PARD3B: variants seen among roughly 807,000 people sequenced by gnomAD.
PARD3B encodes par-3 family cell polarity regulator beta.
A neutral mutation model predicts 130.2 loss-of-function variants in PARD3B; 103 were observed. That is an observed-to-expected ratio of 0.79 (90% CI 0.67 to 0.93). The LOEUF (loss-of-function observed/expected upper bound fraction) is 0.93. Among genes scored for constraint, PARD3B ranks in the 40% least tolerant of loss-of-function variants. The probability of loss-of-function intolerance (pLI) is 0.00; values close to 1 mark genes in which losing one functional copy is unlikely to be tolerated. For missense variants in PARD3B, 1,609 were observed against 1,499.2 expected, an observed-to-expected ratio of 1.07 and a Z score of -1.21; for synonymous variants, 583 against 553.2, an observed-to-expected ratio of 1.05 and a Z score of -0.76.
chr2:204,689,881 G>A lies in PARD3B; in HGVS notation c.222+3599G>A, dbSNP rs1245354376. Among the ~76,000 whole-genome samples the A allele has an allele frequency of 1.3e-5, 2 of 152,058 alleles. No homozygotes were observed. The highest frequency in any genetic ancestry group is 2.4e-5 in the African/African-American group (1 of 41,416). The stretch of plus-strand genomic sequence containing the variant: ...CGCTTGTATCTATAATTTCTATTAC[G>A]AAAATTCATCAGTCATAAATTAACA... On this transcript the variant is annotated intron_variant, in intron 2 of 22. Transcript: ENST00000406610. The surrounding 1 kb of genome is among the most constrained non-coding windows in gnomAD (Gnocchi z 5.2).
At chr2:205,531,460 A>G (rs1443411376) in intron 21 of PARD3B, among the ~76,000 whole-genome samples, 2 of 152,264 alleles carry the variant, frequency 1.3e-5, no homozygotes, top group East Asian at 3.9e-4. Context: ...TGTATTTTTC[A>G]TATCTCCTGT....
At chr2:205,117,916 T>TACACACACACACACACAC (rs745919031) in intron 6 of PARD3B, among the ~76,000 whole-genome samples, 1 of 20,376 alleles carries the variant, frequency 4.9e-5, no homozygotes, top group South Asian at 3.2e-3. Context: ...TGTATGTGTG[T>TACACACACACACACACAC]ACACACACAC....
intron 2 of PARD3B, among the ~76,000 whole-genome samples, chr2:204,708,929 T>C (rs914884590): frequency 6.6e-6 from 1 of 152,200 alleles, no homozygotes. Context: ...CTAAAAGATA[T>C]TGTTCTCAGT....
chr2:205,001,407 T>C (rs1694819072), intron 3 of PARD3B, among the ~76,000 whole-genome samples: 1 of 152,260 alleles, frequency 6.6e-6, no homozygotes, highest in South Asian at 2.1e-4. Flanking sequence ...TGGAATAGGC[T>C]GAACCCCTGT....
intron 1 of PARD3B, among the ~76,000 whole-genome samples, chr2:204,568,039 G>C (rs550814904): frequency 6.6e-6 from 1 of 152,096 alleles, no homozygotes. Context: ...TTTTTGAAAA[G>C]ATTTAAAATA....
intron 2 of PARD3B, among the ~76,000 whole-genome samples, chr2:204,920,745 T>C (rs970377234): frequency 1.2e-4 from 18 of 152,192 alleles, no homozygotes; most frequent in African/African-American, 3.9e-4. Context: ...AGTAAATGAA[T>C]TAATTTATCA....
chr2:204,650,921 A>G (rs910012430), intron 1 of PARD3B, among the ~76,000 whole-genome samples: 3 of 152,102 alleles, frequency 2.0e-5, no homozygotes, highest in African/African-American at 7.2e-5. Context: ...AGGAAGTGCC[A>G]CACACTTTCA....
At chr2:205,130,015 G>A (rs1039118717) in intron 10 of PARD3B, among the ~76,000 whole-genome samples, 7 of 152,230 alleles carry the variant, frequency 4.6e-5, no homozygotes, top group African/African-American at 1.7e-4. Flanking sequence ...GGGCAGACCG[G>A]GTTGAAAATC....
chr2:205,486,794 A>G (rs535289346), intron 20 of PARD3B, among the ~76,000 whole-genome samples: 1 of 152,158 alleles, frequency 6.6e-6, no homozygotes, highest in Non-Finnish European at 1.5e-5. Flanking sequence ...CCCCACCTCC[A>G]GCATTGGGGA....
chr2:204,549,045 T>G (rs935665472), intron 1 of PARD3B, among the ~76,000 whole-genome samples: 2 of 152,252 alleles, frequency 1.3e-5, no homozygotes, highest in African/African-American at 4.8e-5. Flanking sequence ...GGACAGCGTC[T>G]GAGAAGTAAC....
intron 2 of PARD3B, among the ~76,000 whole-genome samples, chr2:204,819,928 G>T (rs971846741): frequency 2.6e-5 from 4 of 152,080 alleles, no homozygotes; most frequent in African/African-American, 9.7e-5. Context: ...CAGAGGGTTG[G>T]TTCATAGAGT....
chr2:204,957,317 T>C (rs998584535), intron 2 of PARD3B, among the ~76,000 whole-genome samples: 5 of 152,124 alleles, frequency 3.3e-5, no homozygotes, highest in African/African-American at 1.2e-4. Context: ...ATTTTTGTTA[T>C]TATGGGATAA....
chr2:205,007,734 G>A (rs925360526), intron 3 of PARD3B, among the ~76,000 whole-genome samples: 64 of 152,070 alleles, frequency 4.2e-4, no homozygotes, highest in African/African-American at 1.3e-3. Context: ...GAATGATGCT[G>A]GCATTTTGAT....
rs576199323 is a variant in PARD3B at position 204,844,362 on chromosome 2, C to T, written c.223-120790C>T. ...CTCATTCTGAGTCATTGCTTATAGC[C>T]ATTTAAAGTTGATTAGCAATGTTAG... On this transcript the variant is annotated intron_variant, in intron 2 of 22. Transcript: ENST00000406610. Among the ~76,000 whole-genome samples the T allele has an allele frequency of 8.2e-4, 125 of 151,970 alleles. 2 individuals are homozygous for T. Among genetic ancestry groups the T allele is most frequent in the African/African-American group, 2.9e-3 (119 of 41,412 alleles).
At chr2:204,905,916 AG>A (rs1169759272) in intron 2 of PARD3B, among the ~76,000 whole-genome samples, 1 of 152,212 alleles carries the variant, frequency 6.6e-6, no homozygotes, top group African/African-American at 2.4e-5. Flanking sequence ...AAAGCAGTTA[AG>A]TCAGTGGAAA....
intron 10 of PARD3B, among the ~76,000 whole-genome samples, chr2:205,155,267 A>G: frequency 7.0e-6 from 1 of 142,024 alleles, no homozygotes; most frequent in East Asian, 2.1e-4. Context: ...GTGTAGATCC[A>G]TGCTCTCTGC....
chr2:204,781,773 T>C (rs1374563579), intron 2 of PARD3B, among the ~76,000 whole-genome samples: 1 of 152,176 alleles, frequency 6.6e-6, no homozygotes, highest in East Asian at 1.9e-4. Context: ...TGGACATACC[T>C]AGCCAGAACA....
chr2:204,630,622 T>C (rs1305991997), intron 1 of PARD3B, among the ~76,000 whole-genome samples: 1 of 152,178 alleles, frequency 6.6e-6, no homozygotes, highest in African/African-American at 2.4e-5. Flanking sequence ...AGTGGTAAAA[T>C]GGATTCTATT....
At chr2:205,124,492 T>C (rs756769494) in intron 9 of PARD3B, 26 bp downstream of exon 9, 4 of 1,521,208 alleles carry the variant, frequency 2.6e-6, no homozygotes, top group East Asian at 2.4e-5. Context: ...AATAGTTGTA[T>C]GAAAATATTT....
Sources: gnomAD v4.1 joint callset for allele counts (sites outside exome capture counted in the v4.1 genomes callset) on GRCh38, gnomAD v4.1.1 for gene constraint, Gnocchi (gnomAD v3.1) non-coding constraint, MANE v1.5 for transcripts, NCBI Gene and HGNC (gene_info 2026-07-23, HGNC 2026-07-21) for gene names.